The following LMLN variants were observed in gnomAD, a reference collection of about 807,000 sequenced individuals.
LMLN encodes the protein leishmanolysin like peptidase, also known as leishmanolysin-like peptidase.
In LMLN, 70 loss-of-function variants were observed where a neutral mutation model predicts 92.3. That is an observed-to-expected ratio of 0.76 (90% confidence interval 0.63 to 0.92). LMLN has a LOEUF of 0.92. Ranked by LOEUF, LMLN falls within the 40% of genes least tolerant of loss-of-function variation. The pLI is 0.00. For synonymous variants in LMLN, 308 were observed against 296.2 expected (o/e 1.04, Z -0.41); for missense variants, 691 against 814.6 (o/e 0.85, Z 1.85).
chr3:198,006,418 T>C (rs1722294829), intron 11 of LMLN, among the ~76,000 whole-genome samples: 2 of 152,200 alleles, frequency 1.3e-5, no homozygotes, highest in African/African-American at 4.8e-5. Context: ...TATCTTTATT[T>C]CTCCAGAAAA....
chr3:197,974,918 A>G (rs1216852452), intron 2 of LMLN, 124 bp from the exon 3 acceptor site: 9 of 688,386 alleles, frequency 1.3e-5, no homozygotes, highest in Middle Eastern at 3.4e-4. Flanking sequence ...GAATAAAAGA[A>G]TGGCTGCTCC....
chr3:197,960,452 T>C lies in LMLN; in HGVS notation c.219+12T>C, dbSNP rs1720827406. 6 of 1,611,026 alleles carry C rather than the reference T, an allele frequency of 3.7e-6. No individual in the cohort carries two copies. The highest frequency in any genetic ancestry group is 5.1e-6 in the Non-Finnish European group (6 of 1,177,956). ...CCTCTGACACTGAGGTAGGGCGACA[T>C]GGGCGGGAGCGGGCCCTCTCAGGGT... On this transcript the variant is annotated intron_variant, in intron 1 of 15. Transcript: ENST00000330198.
intron 11 of LMLN, among the ~76,000 whole-genome samples, chr3:198,010,219 T>C (rs1202471468): frequency 6.6e-6 from 1 of 152,192 alleles, no homozygotes; most frequent in African/African-American, 2.4e-5. Context: ...AGTGGCACAG[T>C]CTTGGCTCAC....
chr3:197,982,501 C>G (rs6762433), intron 6 of LMLN, among the ~76,000 whole-genome samples: 9,830 of 152,264 alleles, frequency 0.065, 379 homozygotes, highest in African/African-American at 0.1. Flanking sequence ...GCTGGGATGA[C>G]AGGCATGAGC....
chr3:198,027,776 C>T (rs565993868), intron 14 of LMLN, among the ~76,000 whole-genome samples: 4 of 152,240 alleles, frequency 2.6e-5, no homozygotes, highest in Admixed American at 6.5e-5. Flanking sequence ...ACACTTAGGT[C>T]GTTTGTGTCC....
At chr3:197,980,797 T>G (rs1045647425) in intron 6 of LMLN, 8 of 263,718 alleles carry the variant, frequency 3.0e-5, no homozygotes, top group Non-Finnish European at 5.1e-5. Context: ...TTGCCTAAAT[T>G]CCAAAGAAAA....
At chr3:197,974,990 T>C in intron 2 of LMLN, 52 bp from the exon 3 acceptor site, 1 of 1,195,784 alleles carries the variant, frequency 8.4e-7, no homozygotes, top group Non-Finnish European at 1.2e-6. Context: ...CTTGATTACA[T>C]GTGCTATGCC....
chr3:198,012,773 T>C (rs1314043346), intron 11 of LMLN, among the ~76,000 whole-genome samples: 62 of 114,588 alleles, frequency 5.4e-4, no homozygotes, highest in East Asian at 2.7e-3. Flanking sequence ...TTTCAGAGCC[T>C]CCTAACTAGT....
chr3:198,002,882 C>G (rs1372325355), intron 11 of LMLN, 133 bp from the exon 12 acceptor site: 3 of 569,734 alleles, frequency 5.3e-6, no homozygotes, highest in African/African-American at 1.9e-5. Flanking sequence ...TGATCACTTA[C>G]AGTGATGGCC....
chr3:197,999,568 C>T (rs1722116247), intron 11 of LMLN: 1 of 510,208 alleles, frequency 2.0e-6, no homozygotes, highest in South Asian at 2.3e-5. Flanking sequence ...CTCACTCCTT[C>T]TGCGCAGGCT....
chr3:198,038,757 T>C, exon 16 of LMLN: 1 of 940,526 alleles, frequency 1.1e-6, no homozygotes, highest in Non-Finnish European at 1.7e-6. Context: ...CCTATGCAGA[T>C]GGTAGAAGTG....
chr3:197,984,648 T>G (rs1181374776), intron 7 of LMLN, among the ~76,000 whole-genome samples: 2 of 151,290 alleles, frequency 1.3e-5, no homozygotes, highest in East Asian at 3.9e-4. Context: ...AAGGTCTCGC[T>G]ATGTTGCCCA....
chr3:197,987,136 G>A (rs908824484), intron 8 of LMLN, among the ~76,000 whole-genome samples: 7 of 148,686 alleles, frequency 4.7e-5, no homozygotes, highest in East Asian at 2.0e-4. Context: ...CACCGCACCC[G>A]GCCTATGTTT....
At chr3:197,962,039 C>T (rs933529183) in intron 1 of LMLN, among the ~76,000 whole-genome samples, 1 of 152,028 alleles carries the variant, frequency 6.6e-6, no homozygotes, top group African/African-American at 2.4e-5. Context: ...ATTGAAATGC[C>T]ACAAATGTAT....
intron 11 of LMLN, among the ~76,000 whole-genome samples, chr3:198,008,046 A>G (rs1347443579): frequency 6.6e-6 from 1 of 152,146 alleles, no homozygotes; most frequent in Non-Finnish European, 1.5e-5. Context: ...TTGATTTTCA[A>G]ATATTAAATC....
chr3:197,965,701 C>G (rs1252805048), intron 1 of LMLN, among the ~76,000 whole-genome samples: 1 of 152,152 alleles, frequency 6.6e-6, no homozygotes, highest in Non-Finnish European at 1.5e-5. Context: ...ATCGCTTGAG[C>G]TCAGGAGTTC....
chr3:198,012,074 A>T (rs1327592452), intron 11 of LMLN, among the ~76,000 whole-genome samples: 2 of 152,166 alleles, frequency 1.3e-5, no homozygotes, highest in African/African-American at 2.4e-5. Context: ...TTTATTTTTT[A>T]AATTTTTTTG....
chr3:198,024,757 G>A, exon 14 of LMLN: 3 of 1,611,358 alleles, frequency 1.9e-6, no homozygotes, highest in Non-Finnish European at 2.5e-6. Context: ...AGGAAGCTGA[G>A]TTACCCAGAC....
intron 1 of LMLN, among the ~76,000 whole-genome samples, chr3:197,972,356 G>C (rs1295124018): frequency 6.6e-6 from 1 of 152,130 alleles, no homozygotes; most frequent in African/African-American, 2.4e-5. Context: ...GAGCCACCGT[G>C]TCCGGCCCCA....
Sources: gnomAD v4.1 joint callset for allele counts (sites outside exome capture counted in the v4.1 genomes callset) on GRCh38, gnomAD v4.1.1 for gene constraint, MANE v1.5 for transcripts, NCBI Gene and HGNC (gene_info 2026-07-23, HGNC 2026-07-21) for gene names.